Variants in RARB observed in about 807,000 individuals in gnomAD.
The protein encoded by RARB is retinoic acid receptor beta, also known as HBV-activated protein.
RARB carries 17 observed loss-of-function variants against 51.9 expected under a neutral mutation model. That is an observed-to-expected ratio of 0.33 (90% confidence interval 0.22 to 0.49). The LOEUF (loss-of-function observed/expected upper bound fraction) is 0.49, where lower values mean the gene tolerates loss of function less well. Ranked by LOEUF, RARB falls within the 20% of genes least tolerant of loss-of-function variation. The probability of loss-of-function intolerance (pLI) is 0.99; values close to 1 mark genes in which losing one functional copy is unlikely to be tolerated. For synonymous variants in RARB, 215 were observed against 195.4 expected, an observed-to-expected ratio of 1.10 and a Z score of -0.84; for missense variants, 369 against 550.8, an observed-to-expected ratio of 0.67 and a Z score of 3.30.
intron 5 of RARB, among the ~76,000 whole-genome samples, chr3:25,265,039 A>G (rs942774805): frequency 6.6e-6 from 1 of 152,184 alleles, no homozygotes; most frequent in Non-Finnish European, 1.5e-5. Flanking sequence ...GAAACAGGAA[A>G]TGCGCCCTTC....
At chr3:24,848,271 G>A (rs1368414713) in intron 1 of RARB, among the ~76,000 whole-genome samples, 1 of 152,148 alleles carries the variant, frequency 6.6e-6, no homozygotes, top group Non-Finnish European at 1.5e-5. Context: ...ATGTTGCCCA[G>A]ACTAGTCTTG....
At chr3:25,104,386 G>A (rs1048794993) in intron 3 of RARB, among the ~76,000 whole-genome samples, 1 of 152,244 alleles carries the variant, frequency 6.6e-6, no homozygotes, top group Non-Finnish European at 1.5e-5. Flanking sequence ...ACTTTGGAAG[G>A]CCGGGGATGG....
intron 5 of RARB, among the ~76,000 whole-genome samples, chr3:25,386,596 A>T (rs1297140538): frequency 6.6e-6 from 1 of 152,220 alleles, no homozygotes; most frequent in African/African-American, 2.4e-5. Context: ...TTGGGCCTTC[A>T]TATAGGGCTT....
At chr3:25,233,480 T>G (rs1702231020) in intron 5 of RARB, among the ~76,000 whole-genome samples, 1 of 152,170 alleles carries the variant, frequency 6.6e-6, no homozygotes, top group African/African-American at 2.4e-5. Context: ...GATAGTTGTC[T>G]CTAATGTGAA....
chr3:25,021,849 G>T (rs1697645977), intron 2 of RARB, among the ~76,000 whole-genome samples: 1 of 152,078 alleles, frequency 6.6e-6, no homozygotes, highest in Non-Finnish European at 1.5e-5. Context: ...TAACACATAG[G>T]TCCTTTGCTT....
intron 3 of RARB, among the ~76,000 whole-genome samples, chr3:25,113,733 T>A (rs978277118): frequency 5.3e-5 from 8 of 151,742 alleles, no homozygotes; most frequent in African/African-American, 1.9e-4. Flanking sequence ...TAGGGAAGGA[T>A]CTTGAATTAA....
At chr3:25,515,157 T>G (rs752880537) in intron 3 of RARB, among the ~76,000 whole-genome samples, 3 of 152,174 alleles carry the variant, frequency 2.0e-5, no homozygotes, top group Non-Finnish European at 4.4e-5. Context: ...CCCATTTTGT[T>G]TTTACAAATA....
intron 5 of RARB, chr3:25,174,721 G>A: frequency 1.2e-6 from 1 of 832,010 alleles, no homozygotes; most frequent in Non-Finnish European, 1.6e-6. Flanking sequence ...TTAGTTCTGT[G>A]GAAAGAGATA....
chr3:24,869,431 T>A (rs116125467), intron 2 of RARB, among the ~76,000 whole-genome samples: 1 of 152,120 alleles, frequency 6.6e-6, no homozygotes, highest in Non-Finnish European at 1.5e-5. Context: ...AAAACACTTA[T>A]TTTCTTTTGA....
intron 3 of RARB, among the ~76,000 whole-genome samples, chr3:25,099,614 TTA>T (rs549456818): frequency 1.9e-3 from 68 of 36,220 alleles, no homozygotes; most frequent in Middle Eastern, 0.01. Context: ...TTTTCAGGAT[TTA>T]AAAAAAAAAA....
intron 5 of RARB, 152 bp downstream of exon 5, chr3:25,580,874 G>A: frequency 2.5e-6 from 2 of 797,326 alleles, no homozygotes; most frequent in African/African-American, 1.7e-5. Flanking sequence ...GACTCACCTA[G>A]CCTCTGGCTC....
chr3:25,076,570 G>T (rs1377474187), intron 3 of RARB, among the ~76,000 whole-genome samples: 1 of 152,088 alleles, frequency 6.6e-6, no homozygotes, highest in Non-Finnish European at 1.5e-5. Flanking sequence ...GCAAAAGTAG[G>T]TTTAAAAAGT....
chr3:25,099,813 C>T (rs1018817875), intron 3 of RARB, among the ~76,000 whole-genome samples: 4 of 152,074 alleles, frequency 2.6e-5, no homozygotes, highest in Admixed American at 6.6e-5. Context: ...TTTTACAGAG[C>T]TTGGCTTACC....
chr3:25,246,216 C>T (rs1200758301), intron 5 of RARB, among the ~76,000 whole-genome samples: 1 of 152,020 alleles, frequency 6.6e-6, no homozygotes, highest in African/African-American at 2.4e-5. Flanking sequence ...GTTAGCAGTA[C>T]TTCTAACATT....
At chr3:25,009,119 G>T (rs985688278) in intron 2 of RARB, among the ~76,000 whole-genome samples, 1 of 152,014 alleles carries the variant, frequency 6.6e-6, no homozygotes, top group Non-Finnish European at 1.5e-5. Flanking sequence ...CTAGATTTAG[G>T]CTTTGTCACA....
intron 2 of RARB, among the ~76,000 whole-genome samples, chr3:24,901,447 C>T (rs1054077394): frequency 6.6e-6 from 1 of 152,162 alleles, no homozygotes; most frequent in African/African-American, 2.4e-5. Flanking sequence ...CACTATGTAG[C>T]CCAGGCTGGC....
chr3:25,335,262 A>T (rs375461074), intron 5 of RARB, among the ~76,000 whole-genome samples: 20,829 of 137,988 alleles, frequency 0.15, 1,550 homozygotes, highest in African/African-American at 0.22. Context: ...TCACTCTCTT[A>T]TGTCTCTCAT....
At chr3:25,223,473 C>A (rs1437830917) in intron 5 of RARB, among the ~76,000 whole-genome samples, 1 of 151,650 alleles carries the variant, frequency 6.6e-6, no homozygotes, top group Non-Finnish European at 1.5e-5. Context: ...GAACAAATGC[C>A]TTCTATTCCA....
intron 5 of RARB, among the ~76,000 whole-genome samples, chr3:25,377,450 G>A (rs117026615): frequency 6.6e-6 from 1 of 152,250 alleles, no homozygotes; most frequent in East Asian, 1.9e-4. Flanking sequence ...GCACTGTGTA[G>A]GTCAGATACT....
Sources: allele counts gnomAD v4.1 joint callset (sites outside exome capture counted in the v4.1 genomes callset), GRCh38; gene constraint gnomAD v4.1.1; transcripts MANE v1.5; gene names NCBI Gene and HGNC (gene_info 2026-07-23, HGNC 2026-07-21).